The following ZNF746 variants were observed in gnomAD, a reference collection of about 807,000 sequenced individuals.
ZNF746 encodes zinc finger protein 746.
A neutral mutation model predicts 41.0 loss-of-function variants in ZNF746; 13 were observed. The ratio of observed to expected loss-of-function variants is 0.32; its 90% CI spans 0.21 to 0.50. The LOEUF is 0.50. Among genes scored for constraint, ZNF746 ranks in the 20% least tolerant of loss-of-function variants. The pLI, the probability that ZNF746 is intolerant of heterozygous loss-of-function variation, is 0.98. For synonymous variants in ZNF746, 424 were observed against 396.2 expected, an observed-to-expected ratio of 1.07 and a Z score of -0.83; for missense variants, 811 against 922.9, an observed-to-expected ratio of 0.88 and a Z score of 1.57.
rs751164018 is a variant in ZNF746 at position 149,474,352 on chromosome 7, G to A, written c.*32C>T. 16 of 1,577,438 alleles carry A rather than the reference G, an allele frequency of 1.0e-5. No homozygotes were observed. In the East Asian group the frequency reaches 3.5e-4, roughly 34 times the overall value. ...CCTGCACACGGGGCTTTTTACACGT[G>A]CGGCCGGCAGGGGCTATGGGGCTGG... On this transcript the variant is annotated 3_prime_UTR_variant, in exon 7 of 7. Coordinates refer to ENST00000458143, the MANE Select transcript of ZNF746 (RefSeq NM_001394198.1). This position sits in a 1 kb window ranked among gnomAD's most constrained non-coding sequence, Gnocchi z 6.3.
chr7:149,480,715 C>T (rs140115829), intron 4 of ZNF746, among the ~76,000 whole-genome samples: 2 of 152,158 alleles, frequency 1.3e-5, no homozygotes, highest in Admixed American at 6.5e-5. Context: ...GGATTACAGG[C>T]GTGAGCTACC....
At chr7:149,496,389 G>A (rs967240421) in intron 1 of ZNF746, among the ~76,000 whole-genome samples, 46 of 152,276 alleles carry the variant, frequency 3.0e-4, no homozygotes, top group South Asian at 1.7e-3. Flanking sequence ...CCTGCCAGGG[G>A]AGCTGAAACT....
In ZNF746 at chr7:149,497,386, A is replaced by AGCCCCAGGCCCGGTGGTCCGGCCCGG. The variant is rs1801043338; in HGVS notation, c.24+101_24+126dup. On this transcript the variant is annotated intron_variant, in intron 1 of 6. Coordinates refer to ENST00000458143, the MANE Select transcript of ZNF746 (RefSeq NM_001394198.1). The surrounding 1 kb of genome is among the most constrained non-coding windows in gnomAD (Gnocchi z 4.2). ...GCGGACCCCGCGCCCCATTCGCGGG[A>AGCCCCAGGCCCGGTGGTCCGGCCCGG]GCCCCAGGCCCGGTGGTCCGGCCCG... 1.0e-6 allele frequency: 1 copy of AGCCCCAGGCCCGGTGGTCCGGCCCGG among 994,902 alleles called. No individual in the cohort carries two copies. Among genetic ancestry groups the AGCCCCAGGCCCGGTGGTCCGGCCCGG allele is most frequent in the Non-Finnish European group, 1.2e-6 (1 of 830,620 alleles). 61.6% of individuals were successfully genotyped at this position (994,902 alleles called of 1,614,324 possible).
intron 4 of ZNF746, among the ~76,000 whole-genome samples, chr7:149,483,054 A>G (rs1050065832): frequency 1.3e-5 from 2 of 152,236 alleles, no homozygotes; most frequent in Non-Finnish European, 2.9e-5. Flanking sequence ...AACAGACTTC[A>G]GCAAAATTTA....
chr7:149,475,600 GTGGCTGA>G (rs1430579693), intron 6 of ZNF746, 117 bp from the exon 7 acceptor site: 1 of 1,489,366 alleles, frequency 6.7e-7, no homozygotes, highest in African/African-American at 1.4e-5. Flanking sequence ...CCAGGCCCTC[GTGGCTGA>G]GCCCAGAGGG....
rs1208290286 is a variant in ZNF746 at position 149,475,238 on chromosome 7, C to T, written c.1129G>A (p.Ala377Thr). 2 of 1,613,006 alleles carry T rather than the reference C, an allele frequency of 1.2e-6. No homozygotes were observed. The highest frequency in any genetic ancestry group is 1.7e-6 in the Non-Finnish European group (2 of 1,179,586). ...PERDMGELSP[A>T]VAQEETPPGD... is the part of the protein sequence containing the mutation. ...GGAGGGGTCTCCTCCTGGGCCACAG[C>T]AGGACTGAGCTCACCCATGTCCCTC... Residue 377 changes from alanine (A) to threonine (T), a missense_variant, in exon 7 of 7, where the codon GCT becomes ACT. Physicochemically the swap from Ala to Thr is moderately conservative, Grantham distance 58. This residue lies in a region of ZNF746 where 495 missense variants were observed against 481.6 expected (regional missense o/e 1.03). Transcript: ENST00000458143.
chr7:149,476,872 C>T, intron 6 of ZNF746, 50 bp downstream of exon 6: 2 of 1,612,560 alleles, frequency 1.2e-6, no homozygotes, highest in Non-Finnish European at 1.7e-6. Flanking sequence ...GACCGAGGTA[C>T]TCCCCACAGG....
chr7:149,491,739 T>C (rs1800816190), intron 4 of ZNF746: 2 of 616,256 alleles, frequency 3.2e-6, no homozygotes, highest in African/African-American at 1.8e-5. Flanking sequence ...CCTTTCTCAG[T>C]GTCAGACGAA....
rs1800144041 is a variant in ZNF746 at position 149,472,814 on chromosome 7, T to G, written c.*1570A>C. The G allele has an allele frequency of 6.6e-6, 1 of 152,650 alleles. No homozygotes were observed. Among genetic ancestry groups the G allele is most frequent in the Non-Finnish European group, 1.5e-5 (1 of 68,040 alleles). 9.5% of individuals were successfully genotyped at this position (152,650 alleles called of 1,614,324 possible). A position where few individuals can be genotyped will look rare whatever the true frequency, so the allele number is the denominator to read the frequency against. On this transcript the variant is annotated 3_prime_UTR_variant, in exon 7 of 7. Transcript: ENST00000458143. ...CTGCCTTGGTGCTGGTTAGGTTTTATTTTAACAGGATGTTTTCTCTTATTT... is the reference window on the plus strand; with the variant it reads ...CTGCCTTGGTGCTGGTTAGGTTTTAGTTTAACAGGATGTTTTCTCTTATTT...
At position 149,497,209 on chromosome 7, in the gene ZNF746, A is replaced by G. The variant is rs1801032655; in HGVS notation, c.24+304T>C. 1.8e-5 allele frequency: 18 copies of G among 984,276 alleles called. No individual in the cohort carries two copies. Among genetic ancestry groups the G allele is most frequent in the Non-Finnish European group, 2.2e-5 (18 of 829,086 alleles). 61.0% of individuals were successfully genotyped at this position (984,276 alleles called of 1,614,324 possible). ...AGGAGCCGCGGGTGGGGGGGCACCC[A>G]GAAGGAGGGGACAGCGGCTGGGGCG... On this transcript the variant is annotated intron_variant, in intron 1 of 6. Transcript: ENST00000458143. The surrounding 1 kb of genome is among the most constrained non-coding windows in gnomAD (Gnocchi z 4.2).
In ZNF746 at chr7:149,472,855, A is replaced by C. The variant is rs1261341741; in HGVS notation, c.*1529T>G. 1 of 152,654 alleles carries C rather than the reference A, an allele frequency of 6.6e-6. No individual in the cohort carries two copies. The highest frequency in any genetic ancestry group is 1.5e-5 in the Non-Finnish European group (1 of 68,040). 9.5% of individuals were successfully genotyped at this position (152,654 alleles called of 1,614,324 possible). A position where few individuals can be genotyped will look rare whatever the true frequency, so the allele number is the denominator to read the frequency against. ...TCTCTTATTTTTCAAAATATCAGTT[A>C]TATCAATATTAGAAGTGTAAACAGG... On this transcript the variant is annotated 3_prime_UTR_variant, in exon 7 of 7. Transcript: ENST00000458143.
At chr7:149,478,898 T>C (rs1479920462) in intron 4 of ZNF746, among the ~76,000 whole-genome samples, 1 of 152,234 alleles carries the variant, frequency 6.6e-6, no homozygotes, top group African/African-American at 2.4e-5. Context: ...TGGATGGCTC[T>C]GGCTCAACAA....
intron 1 of ZNF746, among the ~76,000 whole-genome samples, chr7:149,495,241 A>G (rs1800954900): frequency 6.6e-6 from 1 of 152,060 alleles, no homozygotes; most frequent in African/African-American, 2.4e-5. Context: ...CCTGAGCCCT[A>G]CAAGATTCTT....
rs941465210 is a variant in ZNF746, at chr7:149,496,752, G to T, written c.24+761C>A. The T allele has an allele frequency of 4.3e-6, 4 of 924,820 alleles. No homozygotes were observed. In the African/African-American group the frequency reaches 7.1e-5, roughly 16 times the overall value. 57.3% of individuals were successfully genotyped at this position (924,820 alleles called of 1,614,324 possible). ...GGACAGCGGTACCAAGAGGCCCCCT[G>T]ACACTCCTTCCCCCGGAGCCCACCG... On this transcript the variant is annotated intron_variant, in intron 1 of 6. Transcript: ENST00000458143.
chr7:149,481,080 A>G (rs941029113), intron 4 of ZNF746, among the ~76,000 whole-genome samples: 4 of 152,228 alleles, frequency 2.6e-5, no homozygotes, highest in Admixed American at 2.0e-4. Context: ...AAAAGCAGGG[A>G]AAGAAAAAAT....
At chr7:149,477,310 A>G (rs1356415070) in intron 5 of ZNF746, among the ~76,000 whole-genome samples, 1 of 152,192 alleles carries the variant, frequency 6.6e-6, no homozygotes, top group Non-Finnish European at 1.5e-5. Context: ...TGCTGGGGCA[A>G]GAGAAGCGGC....
At chr7:149,492,714 C>G (rs1356113641) in intron 4 of ZNF746, 145 bp downstream of exon 4, 2 of 656,654 alleles carry the variant, frequency 3.0e-6, no homozygotes, top group Non-Finnish European at 5.5e-6. Context: ...GATTAAAACT[C>G]AACTATAAAA....
intron 1 of ZNF746, chr7:149,496,940 T>C (rs941566934): frequency 1.0e-6 from 1 of 985,338 alleles, no homozygotes; most frequent in Non-Finnish European, 1.2e-6. Context: ...CCCGGGTTTT[T>C]CTTTTGTATG....
rs779064385 is a variant in ZNF746 at position 149,475,434 on chromosome 7, C to T, written c.933G>A (p.Val311=). 13 of 1,613,500 alleles carry T rather than the reference C, an allele frequency of 8.1e-6. No homozygotes were observed. In the East Asian group the frequency reaches 1.3e-4, roughly 17 times the overall value. ...IKTEVQEEEV[V]ATPVHPTDLE... ...GGTCAGTAGGATGTACGGGTGTGGCCACCACCTCCTCTTCCTGGACTTCTG... is the reference window on the plus strand; with the variant it reads ...GGTCAGTAGGATGTACGGGTGTGGCTACCACCTCCTCTTCCTGGACTTCTG... The change falls in exon 7 of 7, where the codon GTG becomes GTA. Residue 311 remains valine, a synonymous_variant. Coordinates refer to ENST00000458143, the MANE Select transcript of ZNF746 (RefSeq NM_001394198.1).
Sources: gnomAD v4.1 joint callset for allele counts (sites outside exome capture counted in the v4.1 genomes callset) on GRCh38, gnomAD v4.1.1 for gene constraint, gnomAD v4.1.1 regional missense constraint, Gnocchi (gnomAD v3.1) non-coding constraint, MANE v1.5 for transcripts, NCBI Gene and HGNC (gene_info 2026-07-23, HGNC 2026-07-21) for gene names.